Variants in KCNMA1 observed in about 807,000 individuals in gnomAD.
KCNMA1 encodes Calcium-activated potassium channel subunit alpha-1.
A neutral mutation model predicts 140.0 loss-of-function variants in KCNMA1; 29 were observed. The observed-to-expected ratio is 0.21, with a 90% confidence interval of 0.15 to 0.28. The LOEUF (loss-of-function observed/expected upper bound fraction) is 0.28. Among genes scored for constraint, KCNMA1 ranks in the 10% least tolerant of loss-of-function variants. KCNMA1 has a pLI of 1.00. For synonymous variants in KCNMA1, 612 were observed against 611.9 expected, an observed-to-expected ratio of 1.00 and a Z score of 0.00; for missense variants, 880 against 1,602.2, an observed-to-expected ratio of 0.55 and a Z score of 7.70.
intron 2 of KCNMA1, among the ~76,000 whole-genome samples, chr10:77,309,928 T>A (rs2078820540): frequency 6.6e-6 from 1 of 152,166 alleles, no homozygotes; most frequent in African/African-American, 2.4e-5. Flanking sequence ...AACAGCTCAA[T>A]CAGCCACACA....
At chr10:77,405,313 T>A (rs1411967018) in intron 1 of KCNMA1, among the ~76,000 whole-genome samples, 1 of 152,226 alleles carries the variant, frequency 6.6e-6, no homozygotes, top group Admixed American at 6.5e-5. Flanking sequence ...ACCGCTAATA[T>A]ACTTAATAAT....
At chr10:77,454,019 C>A (rs1441279945) in intron 1 of KCNMA1, among the ~76,000 whole-genome samples, 1 of 152,116 alleles carries the variant, frequency 6.6e-6, no homozygotes, top group Non-Finnish European at 1.5e-5. Context: ...AGCTCAAAGG[C>A]AAGACCCAAA....
chr10:77,053,046 C>G (rs893426493), intron 14 of KCNMA1, among the ~76,000 whole-genome samples: 3 of 152,146 alleles, frequency 2.0e-5, no homozygotes, highest in Non-Finnish European at 2.9e-5. Flanking sequence ...TGTTTTACCA[C>G]TCATTGTAGT....
At chr10:77,498,080 A>G (rs541927352) in intron 1 of KCNMA1, among the ~76,000 whole-genome samples, 2 of 152,062 alleles carry the variant, frequency 1.3e-5, no homozygotes, top group African/African-American at 4.8e-5. Flanking sequence ...CCAAAAACCT[A>G]AAGGAATCTG....
chr10:77,101,274 C>T (rs1300489487), intron 9 of KCNMA1, among the ~76,000 whole-genome samples: 2 of 152,114 alleles, frequency 1.3e-5, no homozygotes, highest in South Asian at 2.1e-4. Context: ...CTCAGCACCA[C>T]GTTTCAGAAG....
chr10:76,958,104 C>G (rs921305191), intron 20 of KCNMA1, among the ~76,000 whole-genome samples: 3 of 152,178 alleles, frequency 2.0e-5, no homozygotes, highest in Non-Finnish European at 4.4e-5. Context: ...CCAATCAACA[C>G]TGCTGTGATC....
chr10:77,022,840 C>T (rs529800522), intron 16 of KCNMA1: 6 of 345,726 alleles, frequency 1.7e-5, no homozygotes, highest in Non-Finnish European at 3.6e-5. Flanking sequence ...AGTGACCACA[C>T]CTCTGCTAGG....
rs2097239322 is a variant in KCNMA1 at position 77,108,263 on chromosome 10, C to T, written c.1223+218G>A. On this transcript the variant is annotated intron_variant, in intron 9 of 27. Transcript: ENST00000286628. This position sits in a 1 kb window ranked among gnomAD's most constrained non-coding sequence, Gnocchi z 4.6. ...ACTCCTGAAAGTCACTCAACCACAT[C>T]TTTTCTGATGCAACTGACTTACTTT... is the stretch of plus-strand genomic sequence containing the variant. 6.9e-7 allele frequency: 1 copy of T among 1,452,372 alleles called. No individual in the cohort carries two copies. The highest frequency in any genetic ancestry group is 1.4e-5 in the African/African-American group (1 of 70,126). The allele number at this position is 1,452,372 out of a possible 1,614,324, so 90.0% of individuals were successfully genotyped here. A position where few individuals can be genotyped will look rare whatever the true frequency, so the allele number is the denominator to read the frequency against.
At chr10:76,873,690 A>T (rs1451004928), downstream of KCNMA1, 1 of 152,234 alleles carries the variant, frequency 6.6e-6, no homozygotes, top group Non-Finnish European at 1.5e-5. Flanking sequence ...CTAGGAGTCA[A>T]GCCGGCTCAC....
In KCNMA1 at chr10:77,600,770, CACACACACAT is replaced by C. The variant is rs755634111; in HGVS notation, c.378+36485_378+36494del. On this transcript the variant is annotated intron_variant, in intron 1 of 27. Transcript: ENST00000286628. ...TCAAACACACACACACACACACATG[CACACACACAT>C]ATGCGCACATGCACACACACACATA... 4.2e-3 allele frequency among the ~76,000 whole-genome samples: 629 copies of C among 151,336 alleles called. 3 individuals carry two copies. Among genetic ancestry groups the C allele is most frequent in the African/African-American group, 0.014 (592 of 41,190 alleles).
At chr10:77,147,166 A>G (rs1403464498) in intron 5 of KCNMA1, among the ~76,000 whole-genome samples, 1 of 152,244 alleles carries the variant, frequency 6.6e-6, no homozygotes, top group Non-Finnish European at 1.5e-5. Context: ...GAACATAAAC[A>G]TCAAGGCTGA....
At chr10:77,020,919 C>T (rs901311041) in intron 16 of KCNMA1, 2 of 151,996 alleles carry the variant, frequency 1.3e-5, no homozygotes, top group East Asian at 1.9e-4. Context: ...TTCTTACCTA[C>T]AAGAGGTGGA....
At chr10:76,923,921 C>A (rs1184558833) in intron 23 of KCNMA1, among the ~76,000 whole-genome samples, 1 of 152,132 alleles carries the variant, frequency 6.6e-6, no homozygotes, top group Non-Finnish European at 1.5e-5. Context: ...GGGAGGATTG[C>A]TTGAGCCAGG....
At chr10:77,597,383 A>T (rs1375018259) in intron 1 of KCNMA1, among the ~76,000 whole-genome samples, 1 of 152,220 alleles carries the variant, frequency 6.6e-6, no homozygotes, top group Non-Finnish European at 1.5e-5. Flanking sequence ...TGTCCCCAAC[A>T]CATAGAAATG....
At chr10:77,010,817 T>G (rs1338112664) in intron 18 of KCNMA1, among the ~76,000 whole-genome samples, 2 of 151,904 alleles carry the variant, frequency 1.3e-5, no homozygotes, top group Admixed American at 6.6e-5. Flanking sequence ...CTTCTGCTTG[T>G]GAACAAGGAT....
At chr10:77,217,170 T>C (rs2048049299) in intron 3 of KCNMA1, among the ~76,000 whole-genome samples, 2 of 151,866 alleles carry the variant, frequency 1.3e-5, no homozygotes, top group African/African-American at 4.8e-5. Flanking sequence ...CTAGGCATGG[T>C]GGCAGGTGCC....
chr10:77,062,719 G>GT (rs1337235021), intron 14 of KCNMA1, among the ~76,000 whole-genome samples: 1 of 152,176 alleles, frequency 6.6e-6, no homozygotes, highest in Non-Finnish European at 1.5e-5. Flanking sequence ...AATTTTTATA[G>GT]TTTTTCATGG....
intron 5 of KCNMA1, among the ~76,000 whole-genome samples, chr10:77,154,734 A>T (rs1277350020): frequency 6.6e-6 from 1 of 152,204 alleles, no homozygotes; most frequent in Non-Finnish European, 1.5e-5. Context: ...GTTGGATGAA[A>T]ATACTGAATA....
intron 1 of KCNMA1, among the ~76,000 whole-genome samples, chr10:77,571,921 A>T (rs1350170906): frequency 6.6e-6 from 1 of 152,170 alleles, no homozygotes; most frequent in Non-Finnish European, 1.5e-5. Context: ...ATGTAGATGT[A>T]TTTATAGGAA....
Sources: gnomAD v4.1 joint callset for allele counts (sites outside exome capture counted in the v4.1 genomes callset) on GRCh38, gnomAD v4.1.1 for gene constraint, Gnocchi (gnomAD v3.1) non-coding constraint, MANE v1.5 for transcripts, NCBI Gene and HGNC (gene_info 2026-07-23, HGNC 2026-07-21) for gene names.